Variants in COL15A1 observed in about 807,000 individuals in gnomAD.
The protein encoded by COL15A1 is collagen type XV alpha 1 chain, also known as collagen alpha-1(XV) chain.
In COL15A1, 111 loss-of-function variants were observed where a neutral mutation model predicts 165.9. The ratio of observed to expected loss-of-function variants is 0.67; its 90% CI spans 0.57 to 0.78. The LOEUF is 0.78. Among genes scored for constraint, COL15A1 ranks in the 30% least tolerant of loss-of-function variants. The probability of loss-of-function intolerance (pLI) is 0.00; values close to 1 mark genes in which losing one functional copy is unlikely to be tolerated. For synonymous variants in COL15A1, 659 were observed against 674.8 expected, an observed-to-expected ratio of 0.98 and a Z score of 0.36; for missense variants, 1,745 against 1,789.7, an observed-to-expected ratio of 0.98 and a Z score of 0.45.
At chr9:99,049,807 G>A (rs1588533804) in intron 29 of COL15A1, 47 bp from the exon 30 acceptor site, 2 of 1,614,254 alleles carry the variant, frequency 1.2e-6, no homozygotes, top group East Asian at 2.2e-5. Flanking sequence ...CTAAGCTGGA[G>A]TCAGGTGTCC....
rs141609896 is a variant in COL15A1 at position 99,021,539 on chromosome 9, C to A, written c.1702-552C>A. Among the ~76,000 whole-genome samples, 495 of 152,320 alleles carry A rather than the reference C, an allele frequency of 3.2e-3. 1 individual carries two copies. Among genetic ancestry groups the A allele is most frequent in the Non-Finnish European group, 5.3e-3 (360 of 68,020 alleles). ...CCACTCTGTCATTTTCTTTCATCTG[C>A]CTCTTTTCCAAATGTGTGCTTCTGT... is the stretch of plus-strand genomic sequence containing the variant. On this transcript the variant is annotated intron_variant, in intron 12 of 41. Coordinates refer to ENST00000375001, the MANE Select transcript of COL15A1 (RefSeq NM_001855.5).
At chr9:99,056,210 C>T (rs1227302079) in intron 34 of COL15A1, 50 bp from the exon 35 acceptor site, 10 of 1,577,910 alleles carry the variant, frequency 6.3e-6, no homozygotes, top group East Asian at 2.2e-5. Flanking sequence ...GATGGGACTT[C>T]GAGTGATGAA....
At chr9:99,021,952 A>T (rs1243607056) in intron 12 of COL15A1, 139 bp from the exon 13 acceptor site, 23 of 1,158,752 alleles carry the variant, frequency 2.0e-5, no homozygotes, top group Non-Finnish European at 2.0e-5. Flanking sequence ...CATTCCCTTA[A>T]GCTGTCTCTG....
At chr9:99,025,735 G>A (rs1839112031) in intron 15 of COL15A1, among the ~76,000 whole-genome samples, 169 bp from the exon 16 acceptor site, 1 of 152,194 alleles carries the variant, frequency 6.6e-6, no homozygotes, top group South Asian at 2.1e-4. Context: ...TGCACAGTCA[G>A]CAGTGACCCA....
chr9:98,996,249 G>T (rs1420247420), intron 5 of COL15A1, among the ~76,000 whole-genome samples: 1 of 152,194 alleles, frequency 6.6e-6, no homozygotes, highest in Non-Finnish European at 1.5e-5. Context: ...AGCCCCTTTA[G>T]CTTAGAAAGT....
At chr9:98,952,842 C>A (rs1837713513) in intron 2 of COL15A1, among the ~76,000 whole-genome samples, 1 of 152,178 alleles carries the variant, frequency 6.6e-6, no homozygotes, top group Non-Finnish European at 1.5e-5. Context: ...TAATGATATA[C>A]TTTTATTTCT....
chr9:99,049,587 T>C, intron 28 of COL15A1, 103 bp from the exon 29 acceptor site: 1 of 1,477,214 alleles, frequency 6.8e-7, no homozygotes, highest in Non-Finnish European at 9.2e-7. Context: ...GTTGGTTGGC[T>C]TCAGCAGACC....
Position 99,015,566 on chromosome 9 carries a change from T to C in COL15A1, c.1503T>C (p.Ser501=). The change falls in exon 10 of 42, where the codon TCT becomes TCC. Residue 501 remains serine (S), a splice_region_variant and synonymous_variant. Coordinates refer to ENST00000375001, the MANE Select transcript of COL15A1 (RefSeq NM_001855.5). ...ATMAPERAVT[S]GPGDEEDLAA... is the part of the protein sequence containing the mutation. ...TGGCCCCTGAGCGGGCAGTCACTTC[T>C]GTAAGTGTCATCTTGTGTCCTCTCT... 6.2e-7 allele frequency: 1 copy of C among 1,613,490 alleles called. No individual in the cohort carries two copies. The highest frequency in any genetic ancestry group is 8.5e-7 in the Non-Finnish European group (1 of 1,179,746).
intron 41 of COL15A1, among the ~76,000 whole-genome samples, chr9:99,068,987 A>G (rs4742759): frequency 0.29 from 44,136 of 152,174 alleles, 7,169 homozygotes; most frequent in East Asian, 0.6. Flanking sequence ...TATAGCACGC[A>G]GTGGGCACAT....
intron 2 of COL15A1, 132 bp downstream of exon 2, chr9:98,944,382 A>C (rs1163651857): frequency 1.5e-5 from 14 of 919,824 alleles, no homozygotes; most frequent in Non-Finnish European, 2.2e-5. Context: ...CTCAGTGCGC[A>C]CTGGCGGTCC....
In COL15A1 at chr9:99,021,516, A is replaced by G. The variant is rs552767777; in HGVS notation, c.1702-575A>G. ...GACAGCCAAAACCTCCTGGGATGCC[A>G]CTCTGTCATTTTCTTTCATCTGCCT... On this transcript the variant is annotated intron_variant, in intron 12 of 41. Coordinates refer to ENST00000375001, the MANE Select transcript of COL15A1 (RefSeq NM_001855.5). Among the ~76,000 whole-genome samples, 4 of 152,146 alleles carry G rather than the reference A, an allele frequency of 2.6e-5. No individual in the cohort carries two copies. The South Asian group carries it at 8.3e-4, about 32-fold the overall frequency.
At chr9:99,020,581 T>G (rs1238116708) in intron 12 of COL15A1, 139 bp downstream of exon 12, 2 of 644,444 alleles carry the variant, frequency 3.1e-6, no homozygotes, top group Non-Finnish European at 5.6e-6. Flanking sequence ...AGAAATGGAC[T>G]TGTAGGTCTG....
At chr9:99,035,930 C>G (rs1402336606) in intron 19 of COL15A1, among the ~76,000 whole-genome samples, 1 of 152,176 alleles carries the variant, frequency 6.6e-6, no homozygotes, top group Non-Finnish European at 1.5e-5. Flanking sequence ...GCCCTTCAGT[C>G]TAGCACAGAT....
chr9:99,032,871 A>G (rs1172311106), intron 16 of COL15A1, among the ~76,000 whole-genome samples: 1 of 152,214 alleles, frequency 6.6e-6, no homozygotes. Context: ...CAAGATCTCT[A>G]ATTGGTTCTT....
chr9:99,036,612 C>T (rs1179423810), intron 21 of COL15A1, among the ~76,000 whole-genome samples: 1 of 152,232 alleles, frequency 6.6e-6, no homozygotes, highest in Non-Finnish European at 1.5e-5. Flanking sequence ...TGATTAGCAG[C>T]ATTTGGGGTC....
chr9:99,066,091 A>G (rs948705359), intron 39 of COL15A1, among the ~76,000 whole-genome samples: 1 of 151,900 alleles, frequency 6.6e-6, no homozygotes, highest in Non-Finnish European at 1.5e-5. Context: ...CTCTAAGTTG[A>G]TGAGATAAAA....
Position 98,964,699 on chromosome 9 carries a change from C to T in COL15A1, c.100+20449C>T, listed in dbSNP as rs57635585. On this transcript the variant is annotated intron_variant, in intron 2 of 41. Transcript: ENST00000375001. ...TGAGGCCCTTTCCCATGCCATCTTC[C>T]GGGTCATGGGAGAGAGTGGCCTGGA... Among the ~76,000 whole-genome samples, 1,249 of 152,252 alleles carry T rather than the reference C, an allele frequency of 8.2e-3. 16 individuals carry two copies. Among genetic ancestry groups the T allele is most frequent in the African/African-American group, 0.027 (1,132 of 41,540 alleles).
chr9:98,993,088 TA>T, intron 5 of COL15A1, among the ~76,000 whole-genome samples: 1 of 152,324 alleles, frequency 6.6e-6, no homozygotes, highest in Non-Finnish European at 1.5e-5. Flanking sequence ...CTCTGCCACT[TA>T]CTAGCTCTTG....
chr9:99,067,260 G>A (rs1537504), intron 40 of COL15A1, among the ~76,000 whole-genome samples, 193 bp downstream of exon 40: 42,284 of 151,996 alleles, frequency 0.28, 6,452 homozygotes, highest in East Asian at 0.6. Context: ...GTGACCCTTG[G>A]AGCATGCAGG....
Sources: gnomAD v4.1 joint callset for allele counts (sites outside exome capture counted in the v4.1 genomes callset) on GRCh38, gnomAD v4.1.1 for gene constraint, MANE v1.5 for transcripts, NCBI Gene and HGNC (gene_info 2026-07-23, HGNC 2026-07-21) for gene names.